Variants in SCNM1 observed in about 807,000 individuals in gnomAD.
The protein encoded by SCNM1 is sodium channel modifier 1.
SCNM1 carries 24 observed loss-of-function variants against 32.8 expected under a neutral mutation model. That is an observed-to-expected ratio of 0.73 (90% CI 0.53 to 1.03). The LOEUF (loss-of-function observed/expected upper bound fraction) is 1.03. Among genes scored for constraint, SCNM1 ranks in the 50% least tolerant of loss-of-function variants. The probability of loss-of-function intolerance (pLI) is 0.00; values close to 1 mark genes in which losing one functional copy is unlikely to be tolerated. For synonymous variants in SCNM1, 99 were observed against 103.2 expected, an observed-to-expected ratio of 0.96 and a Z score of 0.25; for missense variants, 274 against 282.3, an observed-to-expected ratio of 0.97 and a Z score of 0.21.
In SCNM1 at chr1:151,166,161, C is replaced by G. The variant is rs1428567257; in HGVS notation, c.9C>G (p.Phe3Leu). ...TGGGACTCACAGTCGTGATGTCTTT[C>G]AAGAGGGAAGGAGACGATTGGAGTC... MSFKREGDDWSQL... is the reference protein window; with the variant it reads MSLKREGDDWSQL... The change falls in exon 1 of 7, where the codon TTC (phenylalanine) becomes TTG (leucine). Residue 3 changes from phenylalanine to leucine, a missense_variant. Physicochemically the swap from Phe to Leu is conservative, Grantham distance 22 (BLOSUM62 0). Transcript: ENST00000368905. 3.7e-6 allele frequency: 6 copies of G among 1,606,298 alleles called. No homozygotes were observed. The highest frequency in any genetic ancestry group is 3.4e-6 in the Non-Finnish European group (4 of 1,175,818).
Position 151,169,643 on chromosome 1 carries a change from A to G in SCNM1, c.*558A>G. ...TGCCCTATTAATAAGACTGTCAAAAAGAGGTCTTTGCCCTTCATGTTGTCT... is the reference window on the plus strand; with the variant it reads ...TGCCCTATTAATAAGACTGTCAAAAGGAGGTCTTTGCCCTTCATGTTGTCT... On this transcript the variant is annotated 3_prime_UTR_variant, in exon 7 of 7. Coordinates refer to ENST00000368905, the MANE Select transcript of SCNM1 (RefSeq NM_024041.4). The G allele has an allele frequency of 5.0e-6, 1 of 200,974 alleles. No homozygotes were observed. The highest frequency in any genetic ancestry group is 9.0e-5 in the South Asian group (1 of 11,118). The allele number at this position is 200,974 out of a possible 1,614,324, so 12.4% of individuals were successfully genotyped here. A position where few individuals can be genotyped will look rare whatever the true frequency, so the allele number is the denominator to read the frequency against.
intron 6 of SCNM1, 37 bp from the exon 7 acceptor site, chr1:151,168,949 C>T (rs1461259659): frequency 1.9e-6 from 3 of 1,613,234 alleles, no homozygotes; most frequent in Non-Finnish European, 8.5e-7. Flanking sequence ...TAATAAGCCT[C>T]TTTCCTGATC....
chr1:151,167,462 T>A (rs1683760392), intron 5 of SCNM1, 48 bp downstream of exon 5: 1 of 1,608,142 alleles, frequency 6.2e-7, no homozygotes, highest in South Asian at 1.1e-5. Context: ...AGGAGACAGA[T>A]GGCTCTAAAA....
rs1425803399 is a variant in SCNM1 at position 151,169,817 on chromosome 1, G to A, written c.*732G>A. On this transcript the variant is annotated 3_prime_UTR_variant, in exon 7 of 7. Transcript: ENST00000368905. ...TAGAAGAGTCAAAAGGCATTGGCAG[G>A]GTTATGGGGAACACCAAGGGAGGGA... 1 of 499,206 alleles carries A rather than the reference G, an allele frequency of 2.0e-6. No homozygotes were observed. The highest frequency in any genetic ancestry group is 1.9e-5 in the African/African-American group (1 of 51,642). 30.9% of individuals were successfully genotyped at this position (499,206 alleles called of 1,614,324 possible).
chr1:151,168,891 G>A, intron 6 of SCNM1, 95 bp from the exon 7 acceptor site: 4 of 1,338,434 alleles, frequency 3.0e-6, no homozygotes, highest in South Asian at 1.3e-5. Context: ...ACCTGCCTCG[G>A]CCTCCCAGAG....
intron 3 of SCNM1, 40 bp from the exon 4 acceptor site, chr1:151,167,081 T>C: frequency 6.2e-7 from 1 of 1,614,166 alleles, no homozygotes; most frequent in Non-Finnish European, 8.5e-7. Context: ...CACACCACTC[T>C]TGGTGCTATG....
intron 6 of SCNM1, among the ~76,000 whole-genome samples, chr1:151,168,548 A>C (rs1308890359): frequency 6.6e-6 from 1 of 151,822 alleles, no homozygotes; most frequent in East Asian, 1.9e-4. Flanking sequence ...AGCTGGGATT[A>C]CAGGCATGTG....
At chr1:151,166,887 AACCCTCTTCCCCTGG>A (rs1313657194) in intron 2 of SCNM1, 32 bp from the exon 3 acceptor site, 1 of 1,611,848 alleles carries the variant, frequency 6.2e-7, no homozygotes, top group Non-Finnish European at 8.5e-7. Context: ...GGACGGGCCC[AACCCTCTTCCCCTGG>A]ACCACTTATC....
chr1:151,167,908 T>C, intron 5 of SCNM1: 1 of 437,724 alleles, frequency 2.3e-6, no homozygotes, highest in Admixed American at 3.9e-5. Context: ...TGGCACTTTG[T>C]AATTCTACTT....
intron 2 of SCNM1, 105 bp downstream of exon 2, chr1:151,166,646 C>A: frequency 6.6e-7 from 1 of 1,508,656 alleles, no homozygotes. Context: ...GCTGCCCAGG[C>A]TGCCCTCGAA....
rs1302319591 is a variant in SCNM1 at position 151,166,521 on chromosome 1, G to A, written c.102G>A (p.Ala34=). 1 of 1,614,006 alleles carries A rather than the reference G, an allele frequency of 6.2e-7. No homozygotes were observed. Among genetic ancestry groups the A allele is most frequent in the African/African-American group, 1.3e-5 (1 of 74,980 alleles). ...LLASYIPEDE[A]LMLRDGRFAC... ...CCAGTTACATTCCAGAGGATGAGGC[G>A]CTGATGCTTCGGGATGGACGGTAAG... Residue 34 remains alanine (A), a synonymous_variant, in exon 2 of 7, where the codon GCG becomes GCA. Coordinates refer to ENST00000368905, the MANE Select transcript of SCNM1 (RefSeq NM_024041.4).
Position 151,170,053 on chromosome 1 carries a change from G to T in SCNM1, c.*968G>T. 6.2e-7 allele frequency: 1 copy of T among 1,613,946 alleles called. No individual in the cohort carries two copies. ...AGGATTTAAGTGTCCAGTGCTCCCA[G>T]CGCTAGTTGGTAAAGGGAAATGCAG... On this transcript the variant is annotated 3_prime_UTR_variant, in exon 7 of 7. Coordinates refer to ENST00000368905, the MANE Select transcript of SCNM1 (RefSeq NM_024041.4).
intron 5 of SCNM1, 124 bp downstream of exon 5, chr1:151,167,538 A>C: frequency 7.0e-7 from 1 of 1,434,272 alleles, no homozygotes; most frequent in Non-Finnish European, 9.7e-7. Flanking sequence ...GTTTCAAGAA[A>C]AGGAGAATTT....
Position 151,170,198 on chromosome 1 carries a change from A to C in SCNM1, c.*1113A>C, listed in dbSNP as rs772481317. On this transcript the variant is annotated 3_prime_UTR_variant, in exon 7 of 7. Coordinates refer to ENST00000368905, the MANE Select transcript of SCNM1 (RefSeq NM_024041.4). ...TTTCCAGTCCCTTAGCCAAACTCAT[A>C]AATTGGTAGTGTCTTAGGCCACCTT... 5 of 1,480,624 alleles carry C rather than the reference A, an allele frequency of 3.4e-6. No individual in the cohort carries two copies. Among genetic ancestry groups the C allele is most frequent in the Non-Finnish European group, 4.7e-6 (5 of 1,062,412 alleles). The allele number at this position is 1,480,624 out of a possible 1,614,324, so 91.7% of individuals were successfully genotyped here.
In SCNM1 at chr1:151,167,397, C is replaced by T. The variant is rs1683757111; in HGVS notation, c.381C>T (p.Cys127=). The T allele has an allele frequency of 1.2e-6, 2 of 1,614,194 alleles. No individual in the cohort carries two copies. The highest frequency in any genetic ancestry group is 1.6e-4 in the Middle Eastern group (1 of 6,062). ...ALHRAPHYNS[C]CRRKYRPEAP... is the part of the protein sequence containing the mutation. ...ACAGAGCTCCCCACTATAACAGTTGCTGCCGCCGGAAGTACAGGTATGGGA... is the reference window on the plus strand; with the variant it reads ...ACAGAGCTCCCCACTATAACAGTTGTTGCCGCCGGAAGTACAGGTATGGGA... The change falls in exon 5 of 7, where the codon TGC becomes TGT. Residue 127 remains cysteine, a synonymous_variant. Coordinates refer to ENST00000368905, the MANE Select transcript of SCNM1 (RefSeq NM_024041.4).
intron 2 of SCNM1, 27 bp from the exon 3 acceptor site, chr1:151,166,907 C>T: frequency 6.2e-7 from 1 of 1,613,590 alleles, no homozygotes. Flanking sequence ...CCCTGGACCA[C>T]TTATCCTCTT....
chr1:151,167,145 A>G lies in SCNM1; in HGVS notation c.236A>G (p.Lys79Arg), dbSNP rs1683743882. The G allele has an allele frequency of 1.2e-6, 2 of 1,614,216 alleles. No homozygotes were observed. Among genetic ancestry groups the G allele is most frequent in the Non-Finnish European group, 1.7e-6 (2 of 1,180,036 alleles). Residue 79 changes from lysine to arginine, a missense_variant, in exon 4 of 7, where the codon AAG becomes AGG. Physicochemically the swap from Lys to Arg is conservative, Grantham distance 26. Coordinates refer to ENST00000368905, the MANE Select transcript of SCNM1 (RefSeq NM_024041.4). ...LSSLQLFYGKKQPGKERKQNP... is the reference protein window; with the variant it reads ...LSSLQLFYGKRQPGKERKQNP... ...GGCTTGCAGCTTTTCTATGGCAAGA[A>G]GCAGCCGGGAAAGGAAAGAAAGCAG... is the stretch of plus-strand genomic sequence containing the variant.
chr1:151,168,790 CTTTTTTTTTTTTTTTT>C (rs147127258), intron 6 of SCNM1, among the ~76,000 whole-genome samples, 180 bp from the exon 7 acceptor site: 3 of 40,350 alleles, frequency 7.4e-5, no homozygotes, highest in African/African-American at 3.3e-4. Context: ...TCACTGCTAA[CTTTTTTTTTTTTTTTT>C]TTTTTTTTTT....
chr1:151,169,124 G>T lies in SCNM1; in HGVS notation c.*39G>T, dbSNP rs773655167. On this transcript the variant is annotated 3_prime_UTR_variant, in exon 7 of 7. Transcript: ENST00000368905. ...TTCATTCACAAATAAATTACAATGG[G>T]TGCTGAGAACTTAACTTTCCTTAAG... is the stretch of plus-strand genomic sequence containing the variant. 1 of 1,611,566 alleles carries T rather than the reference G, an allele frequency of 6.2e-7. No homozygotes were observed. Among genetic ancestry groups the T allele is most frequent in the Non-Finnish European group, 8.5e-7 (1 of 1,177,976 alleles).
Sources: allele counts gnomAD v4.1 joint callset (sites outside exome capture counted in the v4.1 genomes callset), GRCh38; gene constraint gnomAD v4.1.1; transcripts MANE v1.5; gene names NCBI Gene and HGNC (gene_info 2026-07-23, HGNC 2026-07-21).